The following UGT2B7 variants were observed in gnomAD, a reference collection of about 807,000 sequenced individuals.
UGT2B7 encodes UDP-glucuronosyltransferase 2B7.
UGT2B7 carries 51 observed loss-of-function variants against 51.9 expected under a neutral mutation model. The observed-to-expected ratio is 0.98, with a 90% CI of 0.78 to 1.24. The LOEUF (loss-of-function observed/expected upper bound fraction) is 1.24. Among genes scored for constraint, UGT2B7 ranks in the 50% most tolerant of loss-of-function variants. The probability of loss-of-function intolerance (pLI) is 0.00; values close to 1 mark genes in which losing one functional copy is unlikely to be tolerated. For missense variants in UGT2B7, 727 were observed against 628.4 expected, an observed-to-expected ratio of 1.16 and a Z score of -1.68; for synonymous variants, 225 against 211.6, an observed-to-expected ratio of 1.06 and a Z score of -0.55.
At chr4:69,074,427 A>AATATATATATATACATATATATAT (rs1718660327) in intron 1 of UGT2B7, among the ~76,000 whole-genome samples, 1 of 116,068 alleles carries the variant, frequency 8.6e-6, no homozygotes, top group African/African-American at 3.3e-5. Context: ...CCTTATCTTA[A>AATATATATATATACATATATATAT]ATATATATAT....
intron 1 of UGT2B7, among the ~76,000 whole-genome samples, chr4:69,069,387 G>A (rs1412663272): frequency 6.6e-6 from 1 of 151,184 alleles, no homozygotes; most frequent in African/African-American, 2.4e-5. Flanking sequence ...TTAACCCTTT[G>A]GACTTATCTG....
At chr4:69,110,053 T>C (rs1045411508) in intron 5 of UGT2B7, among the ~76,000 whole-genome samples, 1 of 151,880 alleles carries the variant, frequency 6.6e-6, no homozygotes, top group Non-Finnish European at 1.5e-5. Context: ...TAAACAGACT[T>C]TAGAAAAGAG....
chr4:69,069,317 G>C (rs1174507111), intron 1 of UGT2B7, among the ~76,000 whole-genome samples: 1 of 151,886 alleles, frequency 6.6e-6, no homozygotes, highest in East Asian at 1.9e-4. Flanking sequence ...TTGTATGCCA[G>C]GTCCATTAAA....
At chr4:69,102,633 A>G (rs554323510) in intron 2 of UGT2B7, among the ~76,000 whole-genome samples, 174 bp from the exon 3 acceptor site, 1 of 152,226 alleles carries the variant, frequency 6.6e-6, no homozygotes, top group South Asian at 2.1e-4. Context: ...CCTATCTCAT[A>G]TTATACATCT....
chr4:69,064,113 A>AG lies in UGT2B7; in HGVS notation c.-159+12511_-159+12512insG, dbSNP rs1560499813. On this transcript the variant is annotated intron_variant, in intron 1 of 5. Coordinates refer to the UGT2B7 transcript ENST00000502942. The stretch of plus-strand genomic sequence containing the variant: ...GAAAGAAAGAGAAAGAAAGAAAGAA[A>AG]AAGAAAGAAAGAAAGAAAGAAAGAA... 3.8e-3 allele frequency among the ~76,000 whole-genome samples: 193 copies of AG among 50,864 alleles called. 11 individuals are homozygous for AG. Among genetic ancestry groups the AG allele is most frequent in the African/African-American group, 0.021 (183 of 8,578 alleles). 33.4% of individuals were successfully genotyped at this position (50,864 alleles called of 152,430 possible).
At chr4:69,084,671 T>A (rs1718911163) in intron 1 of UGT2B7, among the ~76,000 whole-genome samples, 1 of 152,056 alleles carries the variant, frequency 6.6e-6, no homozygotes, top group Non-Finnish European at 1.5e-5. Context: ...CATGTGTCCA[T>A]GTGTTCTCAT....
At chr4:69,081,785 G>A (rs937782666) in intron 1 of UGT2B7, among the ~76,000 whole-genome samples, 6 of 152,058 alleles carry the variant, frequency 3.9e-5, no homozygotes, top group African/African-American at 1.2e-4. Flanking sequence ...TGATCATATT[G>A]CACCATTTAC....
At chr4:69,084,237 A>T (rs142590710) in intron 1 of UGT2B7, among the ~76,000 whole-genome samples, 1 of 151,404 alleles carries the variant, frequency 6.6e-6, no homozygotes, top group Non-Finnish European at 1.5e-5. Flanking sequence ...GTTCCTCATC[A>T]TGTATAATCT....
chr4:69,112,886 A>T lies in UGT2B7; in HGVS notation c.*150A>T, dbSNP rs1001335207. 1.3e-5 allele frequency: 17 copies of T among 1,294,150 alleles called. No homozygotes were observed. The highest frequency in any genetic ancestry group is 3.0e-5 in the African/African-American group (2 of 65,694). The allele number at this position is 1,294,150 out of a possible 1,614,324, so 80.2% of individuals were successfully genotyped here. A position where few individuals can be genotyped will look rare whatever the true frequency, so the allele number is the denominator to read the frequency against. On this transcript the variant is annotated 3_prime_UTR_variant, in exon 6 of 6. Coordinates refer to ENST00000305231, the MANE Select transcript of UGT2B7 (RefSeq NM_001074.4). ...CTTTTCAAAATTTACTTTGTCAAATAAAAATTTGTTTTTCAGAGATTTACC... is the reference window on the plus strand; with the variant it reads ...CTTTTCAAAATTTACTTTGTCAAATTAAAATTTGTTTTTCAGAGATTTACC...
chr4:69,100,480 C>T (rs906431608), intron 2 of UGT2B7, among the ~76,000 whole-genome samples: 3 of 151,854 alleles, frequency 2.0e-5, no homozygotes, highest in African/African-American at 7.3e-5. Context: ...AATTTTATTC[C>T]ATTGTTAAAA....
chr4:69,090,077 C>T (rs776168848), intron 2 of UGT2B7, among the ~76,000 whole-genome samples: 2 of 152,092 alleles, frequency 1.3e-5, no homozygotes, highest in African/African-American at 4.8e-5. Flanking sequence ...CTTAGATTCA[C>T]GTAGTCTTTC....
intron 1 of UGT2B7, among the ~76,000 whole-genome samples, chr4:69,074,825 T>G (rs1259266927): frequency 6.6e-6 from 1 of 152,154 alleles, no homozygotes; most frequent in African/African-American, 2.4e-5. Context: ...GTTCCAATTT[T>G]AACAACTGGT....
intron 2 of UGT2B7, among the ~76,000 whole-genome samples, chr4:69,101,794 G>A (rs1399316433): frequency 6.6e-6 from 1 of 152,024 alleles, no homozygotes; most frequent in Non-Finnish European, 1.5e-5. Context: ...ATTGGACAAC[G>A]CAAGTCAGAA....
chr4:69,075,712 T>C (rs932637445), intron 1 of UGT2B7, among the ~76,000 whole-genome samples: 1 of 152,150 alleles, frequency 6.6e-6, no homozygotes, highest in African/African-American at 2.4e-5. Flanking sequence ...GCTTGCTGTT[T>C]TTCAAAATCC....
At chr4:69,076,997 A>G (rs113506640) in intron 1 of UGT2B7, among the ~76,000 whole-genome samples, 65,239 of 152,000 alleles carry the variant, frequency 0.43, 15,554 homozygotes, top group African/African-American at 0.64. Context: ...TTTTCTGCAT[A>G]TGGCTAGCCA....
At chr4:69,089,319 C>T (rs1384241085) in intron 1 of UGT2B7, among the ~76,000 whole-genome samples, 1 of 152,170 alleles carries the variant, frequency 6.6e-6, no homozygotes. Flanking sequence ...CCAACACAAA[C>T]TTTCTTGTAG....
chr4:69,104,996 A>T (rs188581307), intron 3 of UGT2B7, among the ~76,000 whole-genome samples: 1 of 152,298 alleles, frequency 6.6e-6, no homozygotes, highest in Non-Finnish European at 1.5e-5. Context: ...CCAAGTACCC[A>T]CATAGCCAGA....
At chr4:69,111,609 G>T (rs1479926663) in intron 5 of UGT2B7, among the ~76,000 whole-genome samples, 1 of 151,974 alleles carries the variant, frequency 6.6e-6, no homozygotes, top group African/African-American at 2.4e-5. Flanking sequence ...AATGCATAAG[G>T]GATGAATATC....
At chr4:69,085,343 T>G (rs538468847) in intron 1 of UGT2B7, among the ~76,000 whole-genome samples, 1 of 152,104 alleles carries the variant, frequency 6.6e-6, no homozygotes, top group African/African-American at 2.4e-5. Flanking sequence ...TGTTTAACTG[T>G]TTTGTAGATT....
Sources: gnomAD v4.1 joint callset for allele counts (sites outside exome capture counted in the v4.1 genomes callset) on GRCh38, gnomAD v4.1.1 for gene constraint, MANE v1.5 for transcripts, NCBI Gene and HGNC (gene_info 2026-07-23, HGNC 2026-07-21) for gene names.